Variants in SLC22A15 observed in about 807,000 individuals in gnomAD.
SLC22A15 encodes the protein solute carrier family 22 member 15, also known as flipt 1.
In SLC22A15, 45 loss-of-function variants were observed where a neutral mutation model predicts 62.7. The ratio of observed to expected loss-of-function variants is 0.72; its 90% CI spans 0.56 to 0.92. The LOEUF (loss-of-function observed/expected upper bound fraction) is 0.92. SLC22A15 is among the 40% of genes least tolerant of loss of function. SLC22A15 has a pLI of 0.00. For missense variants in SLC22A15, 622 were observed against 665.6 expected (o/e 0.93, Z 0.72); for synonymous variants, 264 against 267.0 (o/e 0.99, Z 0.11).
At chr1:116,059,836 G>A (rs934405843) in intron 8 of SLC22A15, among the ~76,000 whole-genome samples, 3 of 152,082 alleles carry the variant, frequency 2.0e-5, no homozygotes, top group Admixed American at 6.5e-5. Context: ...GACATTTTTT[G>A]CTGGTGATCC....
chr1:116,045,382 G>T (rs1044184320), intron 8 of SLC22A15, among the ~76,000 whole-genome samples: 2 of 151,864 alleles, frequency 1.3e-5, no homozygotes, highest in Non-Finnish European at 2.9e-5. Context: ...AAAGGATCTG[G>T]ACTATCCAAA....
At chr1:115,982,407 A>G (rs1325889864) in intron 1 of SLC22A15, among the ~76,000 whole-genome samples, 1 of 152,188 alleles carries the variant, frequency 6.6e-6, no homozygotes, top group African/African-American at 2.4e-5. Flanking sequence ...AATATTGTAT[A>G]TCCATCTTTT....
intron 2 of SLC22A15, among the ~76,000 whole-genome samples, chr1:115,992,626 T>TA (rs1655208591): frequency 1.4e-5 from 2 of 147,996 alleles, no homozygotes; most frequent in Admixed American, 1.3e-4. Context: ...TTTCTTTTCT[T>TA]TTTTTTTTTT....
At chr1:116,045,448 C>T (rs1004500645) in intron 8 of SLC22A15, among the ~76,000 whole-genome samples, 1 of 151,812 alleles carries the variant, frequency 6.6e-6, no homozygotes, top group African/African-American at 2.4e-5. Context: ...GATTATAAGA[C>T]TTACAATAGG....
rs1426307020 is a variant in SLC22A15, at chr1:116,069,527, T to C, written c.*2419T>C. The C allele has an allele frequency of 1.3e-5, 2 of 152,088 alleles. No homozygotes were observed. The highest frequency in any genetic ancestry group is 6.6e-5 in the Admixed American group (1 of 15,254). 9.4% of individuals were successfully genotyped at this position (152,088 alleles called of 1,614,324 possible). A position where few individuals can be genotyped will look rare whatever the true frequency, so the allele number is the denominator to read the frequency against. On this transcript the variant is annotated 3_prime_UTR_variant, in exon 12 of 12. Coordinates refer to ENST00000369503, the MANE Select transcript of SLC22A15 (RefSeq NM_018420.3). ...AAGCAAGAAAAATAAATGTAAGATA[T>C]ATAAGAAACCCCAGAGTTTCCAGGG... is the stretch of plus-strand genomic sequence containing the variant.
chr1:116,050,225 C>G (rs957078796), intron 8 of SLC22A15, among the ~76,000 whole-genome samples: 1 of 152,102 alleles, frequency 6.6e-6, no homozygotes, highest in Non-Finnish European at 1.5e-5. Flanking sequence ...AAAGAAGGAA[C>G]CTTCCCTAAC....
intron 2 of SLC22A15, among the ~76,000 whole-genome samples, chr1:116,009,616 G>A (rs1377911351): frequency 6.6e-6 from 1 of 152,150 alleles, no homozygotes; most frequent in Non-Finnish European, 1.5e-5. Flanking sequence ...ACAATGAAGT[G>A]CAGTGCCAAA....
intron 2 of SLC22A15, among the ~76,000 whole-genome samples, chr1:116,012,017 G>A (rs1256681504): frequency 1.3e-5 from 2 of 152,178 alleles, no homozygotes; most frequent in Non-Finnish European, 1.5e-5. Context: ...AAAGGGCAAA[G>A]CCCACTTGTG....
At position 116,063,507 on chromosome 1, in the gene SLC22A15, C is replaced by T. The variant is rs544926845; in HGVS notation, c.1292+625C>T. Among the ~76,000 whole-genome samples the T allele has an allele frequency of 1.8e-4, 27 of 152,292 alleles. No homozygotes were observed. The South Asian group carries it at 3.9e-3, about 22-fold the overall frequency. The stretch of plus-strand genomic sequence containing the variant: ...TGCTTCTGTGGCCTGGGCAGGTATT[C>T]GCTCAGCCAGCTCTTTCTCAGTCTT... On this transcript the variant is annotated intron_variant, in intron 9 of 11. Transcript: ENST00000369503.
At chr1:116,047,566 G>C (rs920546438) in intron 8 of SLC22A15, among the ~76,000 whole-genome samples, 3 of 152,114 alleles carry the variant, frequency 2.0e-5, no homozygotes, top group African/African-American at 7.2e-5. Context: ...ACTCTATAGA[G>C]ACAACCCCCA....
intron 2 of SLC22A15, among the ~76,000 whole-genome samples, chr1:116,017,163 G>A (rs960161024): frequency 2.0e-5 from 3 of 151,786 alleles, no homozygotes; most frequent in Admixed American, 6.6e-5. Context: ...GTTTTTTTGT[G>A]GTTGGTTACT....
intron 4 of SLC22A15, 50 bp from the exon 5 acceptor site, chr1:116,026,843 T>C: frequency 6.2e-7 from 1 of 1,602,956 alleles, no homozygotes; most frequent in South Asian, 1.1e-5. Flanking sequence ...TTGGAAATGG[T>C]GCTGCAGATG....
At chr1:116,066,272 T>G (rs12086796) in intron 10 of SLC22A15, among the ~76,000 whole-genome samples, 3,071 of 152,310 alleles carry the variant, frequency 0.02, 102 homozygotes, top group African/African-American at 0.07. Context: ...ATGAAATTGC[T>G]GCTTCTAATG....
chr1:116,018,571 T>C (rs1308214826), intron 2 of SLC22A15, among the ~76,000 whole-genome samples: 1 of 151,958 alleles, frequency 6.6e-6, no homozygotes, highest in African/African-American at 2.4e-5. Flanking sequence ...TTCACCATGT[T>C]AGCCAGGATG....
intron 3 of SLC22A15, among the ~76,000 whole-genome samples, 162 bp downstream of exon 3, chr1:116,019,876 G>A (rs896702487): frequency 3.9e-5 from 6 of 152,214 alleles, no homozygotes; most frequent in African/African-American, 1.4e-4. Flanking sequence ...TGCAGCTTGA[G>A]TGCTTCTGGC....
At position 116,053,447 on chromosome 1, in the gene SLC22A15, C is replaced by T. The variant is rs146339600; in HGVS notation, c.1172-9315C>T. 7.2e-3 allele frequency among the ~76,000 whole-genome samples: 1,098 copies of T among 152,218 alleles called. 10 individuals carry two copies. The highest frequency in any genetic ancestry group is 0.025 in the African/African-American group (1,025 of 41,532). On this transcript the variant is annotated intron_variant, in intron 8 of 11. Transcript: ENST00000369503. ...GTCCGATTGGTGTACCTGAAAGTGA[C>T]GGGGAGAATGGAACCAAGTTGGAAA...
chr1:116,011,018 C>T (rs1656224426), intron 2 of SLC22A15, among the ~76,000 whole-genome samples: 1 of 152,186 alleles, frequency 6.6e-6, no homozygotes, highest in Non-Finnish European at 1.5e-5. Context: ...GTGGGCTATG[C>T]CCTGAACAGT....
intron 2 of SLC22A15, among the ~76,000 whole-genome samples, chr1:116,018,972 C>T (rs547972541): frequency 5.3e-5 from 8 of 152,320 alleles, no homozygotes; most frequent in Admixed American, 2.6e-4. Context: ...ATTCCTTCAT[C>T]CATCGATAGA....
rs1308950280 is a variant in SLC22A15 at position 116,031,577 on chromosome 1, A to G, written c.940A>G (p.Ile314Val). 24 of 1,613,490 alleles carry G rather than the reference A, an allele frequency of 1.5e-5. No individual in the cohort carries two copies. The highest frequency in any genetic ancestry group is 3.4e-6 in the Non-Finnish European group (4 of 1,179,756). Residue 314 changes from isoleucine (I) to valine (V), a missense_variant, in exon 6 of 12, where the codon ATC becomes GTC. Physicochemically the swap from Ile to Val is conservative, Grantham distance 29 (BLOSUM62 3). Transcript: ENST00000369503. Reference protein sequence around the residue: ...LLGHTLILMFIWFVCSLVYYG... With the variant: ...LLGHTLILMFVWFVCSLVYYG... ...AGGACACACTTTGATCCTGATGTTC[A>G]TCTGGTAATTATACTAAGGCGTGTT...
Sources: gnomAD v4.1 joint callset for allele counts (sites outside exome capture counted in the v4.1 genomes callset) on GRCh38, gnomAD v4.1.1 for gene constraint, MANE v1.5 for transcripts, NCBI Gene and HGNC (gene_info 2026-07-23, HGNC 2026-07-21) for gene names.